The following FRMD8 variants were observed in gnomAD, a reference collection of about 807,000 sequenced individuals.
FRMD8 encodes FERM domain containing 8, also known as FERM domain-containing protein 8.
Under a neutral mutation model 54.2 loss-of-function variants are expected in FRMD8, and 37 were observed. That is an observed-to-expected ratio of 0.68 (90% CI 0.53 to 0.90). The LOEUF is 0.90. FRMD8 is among the 40% of genes least tolerant of loss of function. The pLI is 0.00. For missense variants in FRMD8, 585 were observed against 653.7 expected (o/e 0.89, Z 1.15); for synonymous variants, 246 against 286.9 (o/e 0.86, Z 1.44).
In FRMD8 at chr11:65,411,271, C is replaced by G; in HGVS notation, c.1306C>G (p.Arg436Gly). Reference sequence around the variant, plus strand: ...GGGGATCAGGCGAGTGAAGCCGAAGCGCACCACATCCTTCTTCAGCCGGCA... The same window carrying G: ...GGGGATCAGGCGAGTGAAGCCGAAGGGCACCACATCCTTCTTCAGCCGGCA... ...GKGIRRVKPK[R>G]TTSFFSRQLS... The change falls in exon 11 of 11, where the codon CGC (arginine) becomes GGC (glycine). Residue 436 changes from arginine to glycine, a missense_variant. By Grantham distance (125) the Arg-to-Gly change is moderately radical. Coordinates refer to ENST00000317568, the MANE Select transcript of FRMD8 (RefSeq NM_031904.5). The G allele has an allele frequency of 6.2e-7, 1 of 1,609,556 alleles. No homozygotes were observed. The highest frequency in any genetic ancestry group is 8.5e-7 in the Non-Finnish European group (1 of 1,179,082).
Position 65,400,888 on chromosome 11 carries a change from A to G in FRMD8, c.1071+21A>G. On this transcript the variant is annotated intron_variant, in intron 9 of 10. Coordinates refer to ENST00000317568, the MANE Select transcript of FRMD8 (RefSeq NM_031904.5). This position sits in a 1 kb window ranked among gnomAD's most constrained non-coding sequence, Gnocchi z 4.3. ...AGCAGGTAGCGCGGGTGGTGCCTGC[A>G]CACGGGTGGGGAGGCTGGGCCCAGG... The G allele has an allele frequency of 1.9e-6, 3 of 1,580,000 alleles. No individual in the cohort carries two copies. The highest frequency in any genetic ancestry group is 2.6e-6 in the Non-Finnish European group (3 of 1,161,496).
chr11:65,409,855 G>A (rs779358761), intron 10 of FRMD8, among the ~76,000 whole-genome samples: 50 of 152,034 alleles, frequency 3.3e-4, no homozygotes, highest in Non-Finnish European at 6.0e-4. Context: ...GAGGCAGGAG[G>A]CTCACCTGAG....
At chr11:65,382,029 G>A (rs1855594097), upstream of FRMD8, 6 of 1,212,132 alleles carry the variant, frequency 4.9e-6, no homozygotes, top group Non-Finnish European at 7.4e-6. This position sits in a 1 kb window ranked among gnomAD's most constrained non-coding sequence, Gnocchi z 4.4. Flanking sequence ...CCTGGCCCAC[G>A]CTGATAACCT....
At chr11:65,376,114 A>C in the FRMD8 span, 2 of 468,752 alleles carry the variant, frequency 4.3e-6, no homozygotes. Context: ...ACAGGACAGG[A>C]GCTGGGATGT....
intron 3 of FRMD8, among the ~76,000 whole-genome samples, chr11:65,390,579 G>A (rs893687376): frequency 6.6e-6 from 1 of 151,776 alleles, no homozygotes; most frequent in East Asian, 1.9e-4. Flanking sequence ...CTGCCAGTAG[G>A]AGCTTCCTGC....
chr11:65,380,262 G>T, the FRMD8 span: 2 of 1,594,648 alleles, frequency 1.3e-6, no homozygotes, highest in East Asian at 2.2e-5. Context: ...AGGGGTTCAG[G>T]CAGGAGGAAG....
chr11:65,377,303 C>A, the FRMD8 span: 1 of 1,391,598 alleles, frequency 7.2e-7, no homozygotes, highest in Non-Finnish European at 9.3e-7. Flanking sequence ...GTGAGAGGCA[C>A]TGCCCCTCAT....
Position 65,407,826 on chromosome 11 carries a change from G to A in FRMD8, c.1276+2758G>A, listed in dbSNP as rs1224757050. On this transcript the variant is annotated intron_variant, in intron 10 of 10. Transcript: ENST00000317568. ...GTGAACCTGGGAGGCGGAGCTTGCA[G>A]TGAGCGGAGATCGCGCCACTGCACT... 1.9e-4 allele frequency among the ~76,000 whole-genome samples: 28 copies of A among 150,466 alleles called. 1 individual carries two copies. Among genetic ancestry groups the A allele is most frequent in the Admixed American group, 1.3e-4 (2 of 15,114 alleles).
chr11:65,393,685 C>T lies in FRMD8; in HGVS notation c.355+11C>T. 1 of 1,592,944 alleles carries T rather than the reference C, an allele frequency of 6.3e-7. No individual in the cohort carries two copies. Among genetic ancestry groups the T allele is most frequent in the South Asian group, 1.1e-5 (1 of 90,438 alleles). ...ATGACGTGGCCATGGGTCAGTGCTG[C>T]TGCCTGTCTGTCCTTGCCTCGGGAC... is the stretch of plus-strand genomic sequence containing the variant. On this transcript the variant is annotated intron_variant, in intron 4 of 10. Coordinates refer to ENST00000317568, the MANE Select transcript of FRMD8 (RefSeq NM_031904.5).
intron 6 of FRMD8, among the ~76,000 whole-genome samples, chr11:65,394,955 C>A (rs1045454891): frequency 3.3e-5 from 5 of 152,192 alleles, no homozygotes; most frequent in South Asian, 4.1e-4. Flanking sequence ...AGAAATAATT[C>A]CAGTGAAGGG....
At chr11:65,379,610 T>C in the FRMD8 span, 1 of 1,541,328 alleles carries the variant, frequency 6.5e-7, no homozygotes, top group Non-Finnish European at 8.8e-7. Context: ...GGGCCTCCCC[T>C]TTGTCCTCTC....
At chr11:65,401,577 C>T (rs550345404) in intron 9 of FRMD8, among the ~76,000 whole-genome samples, 10 of 150,886 alleles carry the variant, frequency 6.6e-5, no homozygotes, top group East Asian at 2.0e-4. Flanking sequence ...CCCACCCCTG[C>T]GCCTCCCATG....
chr11:65,391,136 A>G (rs1333094041), intron 3 of FRMD8, among the ~76,000 whole-genome samples: 2 of 152,216 alleles, frequency 1.3e-5, no homozygotes, highest in East Asian at 3.8e-4. Flanking sequence ...TTCATGCCGG[A>G]TGTTTTGGCA....
intron 10 of FRMD8, among the ~76,000 whole-genome samples, chr11:65,406,799 TGTG>T (rs1166819006): frequency 2.0e-5 from 3 of 151,706 alleles, no homozygotes; most frequent in Non-Finnish European, 2.9e-5. Context: ...ATTAGCTGGA[TGTG>T]GTGGTGGTCG....
At chr11:65,399,959 G>A (rs1856037476) in intron 8 of FRMD8, 100 bp downstream of exon 8, 10 of 1,417,932 alleles carry the variant, frequency 7.1e-6, no homozygotes, top group Non-Finnish European at 8.6e-6. Context: ...GGGGCAAGGT[G>A]GATGGACTGT....
chr11:65,374,801 T>C, the FRMD8 span, among the ~76,000 whole-genome samples: 1 of 152,054 alleles, frequency 6.6e-6, no homozygotes, highest in Non-Finnish European at 1.5e-5. Flanking sequence ...ACCTCCTCTC[T>C]ACAAAAAAAT....
In FRMD8 at chr11:65,386,723, G is replaced by C. The variant is rs1360874378; in HGVS notation, c.-39G>C. ...CGGCGGGGCAGGATTCCAGGCAGGA[G>C]CCTTGCCTCTCAGGTGGCGGGCTCT... On this transcript the variant is annotated 5_prime_UTR_variant, in exon 1 of 11. Transcript: ENST00000317568. 2 of 382,952 alleles carry C rather than the reference G, an allele frequency of 5.2e-6. No individual in the cohort carries two copies. The highest frequency in any genetic ancestry group is 4.6e-5 in the Admixed American group (1 of 21,888). The allele number at this position is 382,952 out of a possible 1,614,324, so 23.7% of individuals were successfully genotyped here. A position where few individuals can be genotyped will look rare whatever the true frequency, so the allele number is the denominator to read the frequency against.
chr11:65,381,908 G>A, upstream of FRMD8: 1 of 1,614,114 alleles, frequency 6.2e-7, no homozygotes, highest in African/African-American at 1.3e-5. Flanking sequence ...GAAGAAAAAT[G>A]TCTCACCAGA....
chr11:65,383,770 C>CAAAAA (rs1477121637), upstream of FRMD8: 2 of 97,424 alleles, frequency 2.1e-5, no homozygotes, highest in African/African-American at 6.5e-5. Context: ...AAAAAAAAAA[C>CAAAAA]AAACAAACAA....
Sources: allele counts gnomAD v4.1 joint callset (sites outside exome capture counted in the v4.1 genomes callset), GRCh38; gene constraint gnomAD v4.1.1; non-coding constraint Gnocchi (gnomAD v3.1); transcripts MANE v1.5; gene names NCBI Gene and HGNC (gene_info 2026-07-23, HGNC 2026-07-21).